The following TENM2 variants were observed in gnomAD, a reference collection of about 807,000 sequenced individuals.
The protein encoded by TENM2 is teneurin transmembrane protein 2, also known as teneurin-2.
TENM2 carries 52 observed loss-of-function variants against 245.2 expected under a neutral mutation model. The observed-to-expected ratio is 0.21, with a 90% CI of 0.17 to 0.27. TENM2 has a LOEUF of 0.27. Ranked by LOEUF, TENM2 falls within the 10% of genes least tolerant of loss-of-function variation. The pLI is 1.00. For missense variants in TENM2, 3,046 were observed against 3,666.8 expected, an observed-to-expected ratio of 0.83 and a Z score of 4.37; for synonymous variants, 1,363 against 1,438.9, an observed-to-expected ratio of 0.95 and a Z score of 1.19.
chr5:168,126,806 C>T (rs373541527), exon 12 of TENM2: 240 of 1,613,132 alleles, frequency 1.5e-4, no homozygotes, highest in Non-Finnish European at 5.9e-5. Flanking sequence ...GGGGAGCCTG[C>T]CGCTGTGAAG....
chr5:168,221,467 C>T (rs545344032), intron 23 of TENM2, among the ~76,000 whole-genome samples: 4 of 152,102 alleles, frequency 2.6e-5, no homozygotes, highest in Admixed American at 1.3e-4. Flanking sequence ...TGCACACTAG[C>T]GTTGTAAAGC....
intron 2 of TENM2, among the ~76,000 whole-genome samples, chr5:167,377,370 G>T (rs1260747585): frequency 6.6e-6 from 1 of 152,116 alleles, no homozygotes; most frequent in Non-Finnish European, 1.5e-5. Flanking sequence ...TACATGAAGA[G>T]AAATGTACTT....
At chr5:167,008,157 A>G in the TENM2 span, among the ~76,000 whole-genome samples, 1 of 152,182 alleles carries the variant, frequency 6.6e-6, no homozygotes, top group Non-Finnish European at 1.5e-5. Context: ...CGTAGCGTAT[A>G]TCATAATTTT....
intron 1 of TENM2, among the ~76,000 whole-genome samples, chr5:167,337,823 T>C (rs910991244): frequency 2.0e-5 from 3 of 152,150 alleles, no homozygotes; most frequent in African/African-American, 7.2e-5. Flanking sequence ...TTATAAAAGG[T>C]TCATACCAAA....
intron 12 of TENM2, among the ~76,000 whole-genome samples, chr5:168,151,963 CA>C (rs996439680): frequency 2.0e-5 from 3 of 152,172 alleles, no homozygotes; most frequent in Admixed American, 6.5e-5. Context: ...TTGGATCATC[CA>C]GGGCAAATTG....
chr5:168,036,551 G>A (rs1211742249), intron 5 of TENM2, among the ~76,000 whole-genome samples: 1 of 150,902 alleles, frequency 6.6e-6, no homozygotes, highest in Non-Finnish European at 1.5e-5. Flanking sequence ...CTAGATAATC[G>A]CTTGAACATG....
intron 2 of TENM2, among the ~76,000 whole-genome samples, chr5:167,613,199 A>T (rs1026387979): frequency 6.6e-6 from 1 of 152,292 alleles, no homozygotes. Context: ...ACTCTGTAAC[A>T]CTGGGCAAGT....
At chr5:167,432,059 A>T (rs1764287822) in intron 2 of TENM2, among the ~76,000 whole-genome samples, 1 of 149,792 alleles carries the variant, frequency 6.7e-6, no homozygotes, top group African/African-American at 2.5e-5. Flanking sequence ...ATAAGAGAAA[A>T]ATATATGGAA....
chr5:167,107,789 G>A, the TENM2 span, among the ~76,000 whole-genome samples: 1 of 152,146 alleles, frequency 6.6e-6, no homozygotes, highest in Non-Finnish European at 1.5e-5. Context: ...TGTCAAGGAA[G>A]AATTCAAATC....
intron 2 of TENM2, among the ~76,000 whole-genome samples, chr5:167,432,940 A>C (rs1374785653): frequency 1.3e-5 from 2 of 152,174 alleles, no homozygotes; most frequent in Non-Finnish European, 2.9e-5. Context: ...TGATAAATGA[A>C]ATAAATACAC....
At chr5:167,935,026 A>G in intron 3 of TENM2, 2 of 571,908 alleles carry the variant, frequency 3.5e-6, no homozygotes, top group Non-Finnish European at 4.4e-6. Context: ...CATGAGTGCG[A>G]GCGGGAAAGG....
At chr5:168,212,704 C>T (rs1762884344) in intron 20 of TENM2, among the ~76,000 whole-genome samples, 1 of 152,292 alleles carries the variant, frequency 6.6e-6, no homozygotes, top group Non-Finnish European at 1.5e-5. Flanking sequence ...CTGTTATAGG[C>T]ACCCCATTTG....
intron 27 of TENM2, among the ~76,000 whole-genome samples, chr5:168,253,616 G>C (rs559086950): frequency 2.6e-5 from 4 of 151,616 alleles, no homozygotes; most frequent in Non-Finnish European, 4.4e-5. Context: ...TAGTAGAGAC[G>C]GGGTTTCACC....
intron 2 of TENM2, among the ~76,000 whole-genome samples, chr5:167,557,101 G>A (rs1373729844): frequency 3.3e-5 from 5 of 152,148 alleles, no homozygotes; most frequent in African/African-American, 1.2e-4. Context: ...TTTGAGAAAA[G>A]CGTGTGTGCG....
the TENM2 span, among the ~76,000 whole-genome samples, chr5:167,065,283 T>C: frequency 6.6e-6 from 1 of 152,246 alleles, no homozygotes; most frequent in Non-Finnish European, 1.5e-5. Flanking sequence ...GCTTGATCTA[T>C]TTAATGATTG....
At chr5:168,131,151 T>C (rs2056265145) in intron 12 of TENM2, among the ~76,000 whole-genome samples, 1 of 152,184 alleles carries the variant, frequency 6.6e-6, no homozygotes, top group African/African-American at 2.4e-5. Context: ...CTGTGGACTC[T>C]TGCAATTATC....
At chr5:167,953,031 T>C (rs1025072624) in intron 4 of TENM2, among the ~76,000 whole-genome samples, 1 of 152,218 alleles carries the variant, frequency 6.6e-6, no homozygotes, top group African/African-American at 2.4e-5. Flanking sequence ...TGTCTCCTTT[T>C]AAAGCTTGTT....
rs562268089 is a variant in TENM2 at position 167,922,174 on chromosome 5, C to A, written c.713-30414C>A. Reference sequence around the variant, plus strand: ...TCCCTTTGAAATCCCCAGCTAGAAACCTGCAGTCATCCTTGGTTCTTCCTT... The same window carrying A: ...TCCCTTTGAAATCCCCAGCTAGAAAACTGCAGTCATCCTTGGTTCTTCCTT... On this transcript the variant is annotated intron_variant, in intron 3 of 28. Coordinates refer to ENST00000518659, the Ensembl canonical transcript of TENM2. Among the ~76,000 whole-genome samples the A allele has an allele frequency of 7.9e-5, 12 of 152,276 alleles. No homozygotes were observed. In the South Asian group the frequency reaches 2.5e-3, roughly 32 times the overall value.
chr5:168,063,520 A>G (rs1280756253), intron 7 of TENM2, among the ~76,000 whole-genome samples: 12 of 152,200 alleles, frequency 7.9e-5, no homozygotes, highest in Admixed American at 7.9e-4. Context: ...ACATTAGGAA[A>G]AAACCCAAAA....
Sources: allele counts gnomAD v4.1 joint callset (sites outside exome capture counted in the v4.1 genomes callset), GRCh38; gene constraint gnomAD v4.1.1; transcripts MANE v1.5; gene names NCBI Gene and HGNC (gene_info 2026-07-23, HGNC 2026-07-21).